Variants in CDH12 observed in about 807,000 individuals in gnomAD.
CDH12 encodes cadherin 12, also known as cadherin-12.
CDH12 carries 41 observed loss-of-function variants against 74.1 expected under a neutral mutation model. That is an observed-to-expected ratio of 0.55 (90% CI 0.43 to 0.72). CDH12 has a LOEUF of 0.72. Ranked by LOEUF, CDH12 falls within the 30% of genes least tolerant of loss-of-function variation. The pLI, the probability that CDH12 is intolerant of heterozygous loss-of-function variation, is 0.00. For synonymous variants in CDH12, 399 were observed against 355.0 expected, an observed-to-expected ratio of 1.12 and a Z score of -1.39; for missense variants, 945 against 977.2, an observed-to-expected ratio of 0.97 and a Z score of 0.44.
chr5:21,762,727 C>G (rs1163926326), intron 12 of CDH12, among the ~76,000 whole-genome samples: 1 of 152,064 alleles, frequency 6.6e-6, no homozygotes, highest in East Asian at 1.9e-4. Context: ...CTTTTCTCAA[C>G]TCATCAAATC....
chr5:22,435,524 G>GTGTGTATATA (rs148027987), intron 2 of CDH12, among the ~76,000 whole-genome samples: 18 of 148,824 alleles, frequency 1.2e-4, no homozygotes, highest in African/African-American at 4.5e-4. Flanking sequence ...GTGTGTGTGT[G>GTGTGTATATA]TATATACATA....
intron 10 of CDH12, among the ~76,000 whole-genome samples, chr5:21,796,906 A>C (rs2149915359): frequency 6.6e-6 from 1 of 152,280 alleles, no homozygotes; most frequent in Non-Finnish European, 1.5e-5. Flanking sequence ...GGATATACTT[A>C]ATCCAGTCTC....
At chr5:22,198,325 T>A (rs1580389891) in intron 4 of CDH12, among the ~76,000 whole-genome samples, 2 of 151,672 alleles carry the variant, frequency 1.3e-5, no homozygotes, top group African/African-American at 4.8e-5. Flanking sequence ...CTAATAATGT[T>A]AAAAAAATGC....
At chr5:22,035,441 G>A (rs7445981) in intron 5 of CDH12, among the ~76,000 whole-genome samples, 53,428 of 151,692 alleles carry the variant, frequency 0.35, 12,282 homozygotes, top group African/African-American at 0.66. Context: ...CCAACCTTAT[G>A]GAGAGCAGTA....
chr5:22,624,826 T>C (rs192649928), intron 1 of CDH12, among the ~76,000 whole-genome samples: 16 of 152,250 alleles, frequency 1.1e-4, no homozygotes, highest in African/African-American at 3.1e-4. Flanking sequence ...ACCCAAAGGA[T>C]TATAAATCAT....
rs932973285 is a variant in CDH12 at position 22,466,779 on chromosome 5, T to A, written c.-428+38491A>T. Among the ~76,000 whole-genome samples, 72 of 45,990 alleles carry A rather than the reference T, an allele frequency of 1.6e-3. 1 individual carries two copies. Among genetic ancestry groups the A allele is most frequent in the Admixed American group, 8.5e-3 (21 of 2,470 alleles). The allele number at this position is 45,990 out of a possible 152,430, so 30.2% of individuals were successfully genotyped here. A position where few individuals can be genotyped will look rare whatever the true frequency, so the allele number is the denominator to read the frequency against. On this transcript the variant is annotated intron_variant, in intron 2 of 14. Coordinates refer to ENST00000382254, the MANE Select transcript of CDH12 (RefSeq NM_004061.5). ...TGAGGCATGGCTCCTCAGGAATCTT[T>A]TTTTTTTTTTTTTTTTTTTTTTTTT...
intron 1 of CDH12, among the ~76,000 whole-genome samples, chr5:22,568,262 T>A (rs570758456): frequency 1.3e-5 from 2 of 152,314 alleles, no homozygotes; most frequent in South Asian, 4.1e-4. Context: ...TGTATTTATC[T>A]AAGACCCAAT....
intron 1 of CDH12, among the ~76,000 whole-genome samples, chr5:22,557,252 G>A (rs1195969521): frequency 6.6e-6 from 1 of 152,006 alleles, no homozygotes; most frequent in African/African-American, 2.4e-5. Context: ...CCAGGAGTAG[G>A]TGATTTAAAA....
intron 1 of CDH12, among the ~76,000 whole-genome samples, chr5:22,600,286 A>G (rs1369820221): frequency 1.3e-5 from 2 of 152,184 alleles, no homozygotes; most frequent in African/African-American, 4.8e-5. Flanking sequence ...TTGCTGTTAC[A>G]TATCCCTGAA....
At chr5:22,687,489 C>A (rs994268548) in intron 1 of CDH12, among the ~76,000 whole-genome samples, 11 of 152,034 alleles carry the variant, frequency 7.2e-5, no homozygotes, top group Non-Finnish European at 1.3e-4. Context: ...TTCACAGCAA[C>A]CTTAGCTTCC....
intron 2 of CDH12, among the ~76,000 whole-genome samples, chr5:22,414,955 T>A (rs1261132045): frequency 6.6e-6 from 1 of 152,062 alleles, no homozygotes; most frequent in Non-Finnish European, 1.5e-5. Context: ...GTAACAAATA[T>A]ATCCCTTTAG....
chr5:21,752,793 A>G (rs1744172490), intron 14 of CDH12, among the ~76,000 whole-genome samples: 1 of 151,992 alleles, frequency 6.6e-6, no homozygotes. Context: ...GAAGAAAGGA[A>G]GTAGAGGAAG....
At chr5:22,736,712 T>G (rs192608528) in intron 1 of CDH12, among the ~76,000 whole-genome samples, 1 of 151,708 alleles carries the variant, frequency 6.6e-6, no homozygotes, top group Admixed American at 6.6e-5. Flanking sequence ...GGCTGAAAGT[T>G]TAAACACACA....
At chr5:21,943,785 C>T (rs1444003731) in intron 6 of CDH12, among the ~76,000 whole-genome samples, 3 of 152,072 alleles carry the variant, frequency 2.0e-5, no homozygotes, top group Non-Finnish European at 4.4e-5. Flanking sequence ...TTAACAGGAA[C>T]AGCTACAAAA....
chr5:22,698,351 C>T (rs1742494434), intron 1 of CDH12, among the ~76,000 whole-genome samples: 4 of 151,212 alleles, frequency 2.6e-5, no homozygotes, highest in Admixed American at 2.0e-4. Flanking sequence ...AAACTCCTGA[C>T]CTCAAGTAAT....
chr5:22,619,062 A>G (rs2126837089), intron 1 of CDH12, among the ~76,000 whole-genome samples: 1 of 152,226 alleles, frequency 6.6e-6, no homozygotes, highest in South Asian at 2.1e-4. Flanking sequence ...TAGTAGCATA[A>G]GAACAGATGA....
At chr5:22,694,278 T>C (rs1171292873) in intron 1 of CDH12, among the ~76,000 whole-genome samples, 7 of 152,196 alleles carry the variant, frequency 4.6e-5, no homozygotes, top group Admixed American at 6.5e-5. Flanking sequence ...AAATAACAAA[T>C]TGCTTTTGAG....
At chr5:22,284,813 C>T (rs1348440272) in intron 3 of CDH12, among the ~76,000 whole-genome samples, 1 of 149,588 alleles carries the variant, frequency 6.7e-6, no homozygotes, top group African/African-American at 2.5e-5. Context: ...GGATTTGCTT[C>T]AATAATGAGA....
intron 1 of CDH12, among the ~76,000 whole-genome samples, chr5:22,668,518 G>A (rs547292489): frequency 4.6e-5 from 7 of 152,276 alleles, no homozygotes; most frequent in African/African-American, 9.6e-5. Context: ...TCTGGTGGGG[G>A]CCTTCCTGCT....
Sources: gnomAD v4.1 joint callset for allele counts (sites outside exome capture counted in the v4.1 genomes callset) on GRCh38, gnomAD v4.1.1 for gene constraint, MANE v1.5 for transcripts, NCBI Gene and HGNC (gene_info 2026-07-23, HGNC 2026-07-21) for gene names.